The following NPSR1 variants were observed in gnomAD, a reference collection of about 807,000 sequenced individuals.
The protein encoded by NPSR1 is neuropeptide S receptor.
Under a neutral mutation model 46.9 loss-of-function variants are expected in NPSR1, and 48 were observed. That is an observed-to-expected ratio of 1.02 (90% CI 0.81 to 1.30). The LOEUF is 1.30. Among genes scored for constraint, NPSR1 ranks in the 50% most tolerant of loss-of-function variants. The pLI, the probability that NPSR1 is intolerant of heterozygous loss-of-function variation, is 0.00. For synonymous variants in NPSR1, 176 were observed against 168.1 expected (o/e 1.05, Z -0.36); for missense variants, 450 against 449.5 (o/e 1.00, Z -0.01).
At chr7:34,661,506 T>C (rs192834594) in intron 1 of NPSR1, among the ~76,000 whole-genome samples, 77 of 152,292 alleles carry the variant, frequency 5.1e-4, no homozygotes, top group Middle Eastern at 6.8e-3. Flanking sequence ...CAAAGCTCTT[T>C]CAGGAGGAGA....
At chr7:34,734,943 G>A (rs952560427) in intron 2 of NPSR1, among the ~76,000 whole-genome samples, 1 of 152,106 alleles carries the variant, frequency 6.6e-6, no homozygotes, top group Non-Finnish European at 1.5e-5. Context: ...CTGAGATGGT[G>A]TTATGCAATC....
At chr7:34,840,229 G>C (rs1426770974) in intron 6 of NPSR1, among the ~76,000 whole-genome samples, 1 of 152,180 alleles carries the variant, frequency 6.6e-6, no homozygotes, top group Non-Finnish European at 1.5e-5. Flanking sequence ...GAGCACCTCA[G>C]ATGACAAGAA....
intron 2 of NPSR1, chr7:34,751,506 C>A (rs1785524770): frequency 6.9e-7 from 1 of 1,446,530 alleles, no homozygotes; most frequent in Admixed American, 1.7e-5. Flanking sequence ...CTGCCCCAAC[C>A]AGCCCCAGCT....
chr7:34,769,015 G>A (rs1426887200), intron 2 of NPSR1, among the ~76,000 whole-genome samples: 2 of 152,098 alleles, frequency 1.3e-5, no homozygotes, highest in African/African-American at 4.8e-5. Flanking sequence ...AAGTTAATGA[G>A]TTTGGATTTT....
intron 4 of NPSR1, among the ~76,000 whole-genome samples, chr7:34,813,594 T>G (rs1261873887): frequency 6.6e-6 from 1 of 152,170 alleles, no homozygotes; most frequent in African/African-American, 2.4e-5. Flanking sequence ...ACGATAACAT[T>G]AAAGTCAAAA....
intron 1 of NPSR1, among the ~76,000 whole-genome samples, chr7:34,677,559 T>C (rs751247309): frequency 6.6e-6 from 1 of 152,118 alleles, no homozygotes; most frequent in African/African-American, 2.4e-5. Context: ...AAGTAGAAAA[T>C]AGGGAAGGTC....
At chr7:34,860,304 G>C (rs567321374) in intron 8 of NPSR1, among the ~76,000 whole-genome samples, 13 of 151,866 alleles carry the variant, frequency 8.6e-5, no homozygotes, top group African/African-American at 3.2e-4. Context: ...GCCTCAAAAA[G>C]ACCAAACAAG....
chr7:34,872,425 G>A (rs550829523), intron 8 of NPSR1, among the ~76,000 whole-genome samples: 24 of 151,990 alleles, frequency 1.6e-4, no homozygotes, highest in Admixed American at 1.5e-3. Context: ...TTAACAATTG[G>A]CTCCCCTTAG....
chr7:34,671,753 A>G (rs1562640947), intron 1 of NPSR1, among the ~76,000 whole-genome samples: 5 of 152,056 alleles, frequency 3.3e-5, no homozygotes, highest in Admixed American at 2.6e-4. Flanking sequence ...TACTGTTCTC[A>G]TCTCCCAGGA....
intron 6 of NPSR1, among the ~76,000 whole-genome samples, chr7:34,838,140 C>G (rs548784168): frequency 3.9e-5 from 6 of 152,236 alleles, no homozygotes; most frequent in Non-Finnish European, 7.4e-5. Flanking sequence ...TGCCTCCCCC[C>G]AGGGAGGCTG....
At chr7:34,784,847 G>A (rs1562724839) in intron 3 of NPSR1, among the ~76,000 whole-genome samples, 1 of 152,094 alleles carries the variant, frequency 6.6e-6, no homozygotes, top group Admixed American at 6.6e-5. Flanking sequence ...TCTCACACCA[G>A]TTAGAATGGC....
intron 8 of NPSR1, among the ~76,000 whole-genome samples, chr7:34,872,218 T>G (rs879772238): frequency 3.9e-5 from 6 of 152,000 alleles, no homozygotes; most frequent in Non-Finnish European, 8.8e-5. Flanking sequence ...CAGCCCAAGC[T>G]GTACCTTGGC....
intron 8 of NPSR1, among the ~76,000 whole-genome samples, chr7:34,867,069 G>A (rs1289611585): frequency 6.6e-6 from 1 of 151,616 alleles, no homozygotes; most frequent in Non-Finnish European, 1.5e-5. Context: ...CCAAGCAAAG[G>A]TGAAAGAGGC....
chr7:34,713,332 T>C (rs1278118245), intron 2 of NPSR1, among the ~76,000 whole-genome samples: 1 of 152,172 alleles, frequency 6.6e-6, no homozygotes, highest in African/African-American at 2.4e-5. Context: ...TCCTGTGATG[T>C]AGGAGGAAAA....
At chr7:34,865,015 C>T (rs1448010968) in intron 8 of NPSR1, among the ~76,000 whole-genome samples, 3 of 151,746 alleles carry the variant, frequency 2.0e-5, no homozygotes, top group Non-Finnish European at 4.4e-5. Context: ...CTAATATGGT[C>T]CATAAAAATT....
intron 2 of NPSR1, among the ~76,000 whole-genome samples, chr7:34,689,951 A>C (rs928065600): frequency 1.4e-5 from 2 of 146,988 alleles, no homozygotes; most frequent in African/African-American, 5.1e-5. Flanking sequence ...TCTCTAAAAA[A>C]AATTAAAAAA....
At chr7:34,752,909 C>T (rs1785613474) in intron 2 of NPSR1, among the ~76,000 whole-genome samples, 1 of 152,154 alleles carries the variant, frequency 6.6e-6, no homozygotes, top group Non-Finnish European at 1.5e-5. Flanking sequence ...GCTTCCTTCC[C>T]AGAAGATTTT....
At chr7:34,668,588 C>G (rs762990186) in intron 1 of NPSR1, among the ~76,000 whole-genome samples, 69 of 152,210 alleles carry the variant, frequency 4.5e-4, no homozygotes, top group Non-Finnish European at 4.1e-4. Flanking sequence ...ACTGGATATT[C>G]TCAGTGGGTT....
At chr7:34,864,326 C>T (rs960460664) in intron 8 of NPSR1, among the ~76,000 whole-genome samples, 2 of 148,760 alleles carry the variant, frequency 1.3e-5, no homozygotes, top group South Asian at 2.2e-4. Flanking sequence ...ACCTATGTAA[C>T]AAACCTGCAC....
Sources: gnomAD v4.1 joint callset for allele counts (sites outside exome capture counted in the v4.1 genomes callset) on GRCh38, gnomAD v4.1.1 for gene constraint, MANE v1.5 for transcripts, NCBI Gene and HGNC (gene_info 2026-07-23, HGNC 2026-07-21) for gene names.